ASAP2: variants seen among roughly 807,000 people sequenced by gnomAD.
The protein encoded by ASAP2 is arf-GAP with SH3 domain, ANK repeat and PH domain-containing protein 2.
ASAP2 carries 45 observed loss-of-function variants against 131.4 expected under a neutral mutation model. The observed-to-expected ratio is 0.34, with a 90% CI of 0.27 to 0.44. The LOEUF is 0.44. Ranked by LOEUF, ASAP2 falls within the 20% of genes least tolerant of loss-of-function variation. The pLI, the probability that ASAP2 is intolerant of heterozygous loss-of-function variation, is 1.00. For synonymous variants in ASAP2, 510 were observed against 503.0 expected, an observed-to-expected ratio of 1.01 and a Z score of -0.19; for missense variants, 1,011 against 1,297.0, an observed-to-expected ratio of 0.78 and a Z score of 3.39.
chr2:9,306,759 TTCAG>T (rs1053678715), intron 3 of ASAP2, among the ~76,000 whole-genome samples: 2 of 152,096 alleles, frequency 1.3e-5, no homozygotes, highest in African/African-American at 4.8e-5. Context: ...TTTGGGAACT[TTCAG>T]CCGTTTGGTA....
intron 16 of ASAP2, among the ~76,000 whole-genome samples, chr2:9,369,566 G>T (rs940493591): frequency 6.6e-6 from 1 of 152,272 alleles, no homozygotes; most frequent in East Asian, 1.9e-4. Flanking sequence ...TGAAACAGAC[G>T]GAAGGAAGGA....
At position 9,327,911 on chromosome 2, in the gene ASAP2, A is replaced by G. The variant is rs1356283092; in HGVS notation, c.686A>G (p.Asn229Ser). The change falls in exon 7 of 28, where the codon AAT becomes AGT. Residue 229 changes from asparagine to serine, a missense_variant and splice_region_variant. Asn to Ser is a conservative substitution (Grantham distance 46). Around this residue, in one of 2 missense-constraint regions of ASAP2, gnomAD observed 359 missense variants for 598.1 expected, o/e 0.60. Coordinates refer to ENST00000281419, the MANE Select transcript of ASAP2 (RefSeq NM_003887.3). ...NLIKYFHAQC[N>S]FFQDGLKAVE... ...ATCAAATACTTTCATGCCCAATGCA[A>G]GTAAGTTCTTCTCTGTTATGTTATC... 1 of 1,569,944 alleles carries G rather than the reference A, an allele frequency of 6.4e-7. No homozygotes were observed. Among genetic ancestry groups the G allele is most frequent in the East Asian group, 2.4e-5 (1 of 42,520 alleles).
intron 1 of ASAP2, among the ~76,000 whole-genome samples, chr2:9,218,059 T>C (rs139188126): frequency 6.6e-5 from 10 of 152,304 alleles, no homozygotes; most frequent in African/African-American, 2.4e-4. Flanking sequence ...TATAGTGACA[T>C]GCCTCCAGGT....
intron 12 of ASAP2, among the ~76,000 whole-genome samples, chr2:9,354,070 G>A (rs1672526619): frequency 6.6e-6 from 1 of 152,186 alleles, no homozygotes; most frequent in Non-Finnish European, 1.5e-5. Context: ...CTAATCCATT[G>A]CCTGCAGACC....
chr2:9,229,019 G>C (rs1662966839), intron 1 of ASAP2, among the ~76,000 whole-genome samples: 1 of 152,126 alleles, frequency 6.6e-6, no homozygotes, highest in Non-Finnish European at 1.5e-5. Flanking sequence ...AGCCACACCT[G>C]CCTTGTTACC....
At chr2:9,388,585 G>C (rs927276457) in intron 22 of ASAP2, 39 bp downstream of exon 22, 2 of 1,581,332 alleles carry the variant, frequency 1.3e-6, no homozygotes, top group South Asian at 2.3e-5. Context: ...TATATAGAGG[G>C]TCTTGTTTTG....
rs368099657 is a variant in ASAP2, at chr2:9,389,344, G to A, written c.2383+798G>A. 6.6e-6 allele frequency among the ~76,000 whole-genome samples: 1 copy of A among 152,222 alleles called. No individual in the cohort carries two copies. The highest frequency in any genetic ancestry group is 6.5e-5 in the Admixed American group (1 of 15,290). On this transcript the variant is annotated intron_variant, in intron 22 of 27. Transcript: ENST00000281419. This position sits in a 1 kb window ranked among gnomAD's most constrained non-coding sequence, Gnocchi z 4.7. ...GATGCGGGGCGGGGGGCCCAGGAAG[G>A]ACAAGAGTCTGCACAGAGCATGTAT...
At chr2:9,243,777 A>C (rs1664149305) in intron 1 of ASAP2, among the ~76,000 whole-genome samples, 1 of 152,182 alleles carries the variant, frequency 6.6e-6, no homozygotes, top group Non-Finnish European at 1.5e-5. Flanking sequence ...CTTATTTACT[A>C]TGCTAGTTGC....
In ASAP2 at chr2:9,340,025, TTTTG is replaced by T. The variant is rs1276875901; in HGVS notation, c.850-4494_850-4491del. On this transcript the variant is annotated intron_variant, in intron 9 of 27. Coordinates refer to ENST00000281419, the MANE Select transcript of ASAP2 (RefSeq NM_003887.3). ...GCAATGTTTGCCCATGTCTGCAGCT[TTTTG>T]TTTGTTTGTTTGAGACAGAATCTCC... Among the ~76,000 whole-genome samples, 16 of 152,272 alleles carry T rather than the reference TTTTG, an allele frequency of 1.1e-4. No homozygotes were observed. The South Asian group carries it at 2.3e-3, about 22-fold the overall frequency.
chr2:9,401,180 C>A, intron 26 of ASAP2, 94 bp from the exon 27 acceptor site: 1 of 1,511,748 alleles, frequency 6.6e-7, no homozygotes. Flanking sequence ...AGGTACGGGA[C>A]TCCTGAGACC....
intron 1 of ASAP2, among the ~76,000 whole-genome samples, chr2:9,216,663 G>T (rs1225190236): frequency 1.3e-5 from 2 of 151,962 alleles, no homozygotes; most frequent in Admixed American, 1.3e-4. Flanking sequence ...GTTTTGCCAT[G>T]TTGGGCAGGC....
chr2:9,218,430 C>T (rs1662204195), intron 1 of ASAP2, among the ~76,000 whole-genome samples: 1 of 152,226 alleles, frequency 6.6e-6, no homozygotes, highest in Admixed American at 6.5e-5. Flanking sequence ...GCCACCCAGA[C>T]CCATAGAGTA....
In ASAP2 at chr2:9,297,453, GCT is replaced by G. The variant is rs769371542; in HGVS notation, c.345+11_345+12del. The G allele has an allele frequency of 1.6e-5, 26 of 1,613,914 alleles. No individual in the cohort carries two copies. The East Asian group carries it at 2.5e-4, about 15-fold the overall frequency. Reference sequence around the variant, plus strand: ...GCACTTTTCAAAAACCTGGTAAGCAGCTCTGTGTATGAAATGCTGCGGTTACT... The same window carrying G: ...GCACTTTTCAAAAACCTGGTAAGCAGCTGTGTATGAAATGCTGCGGTTACT... On this transcript the variant is annotated intron_variant, in intron 3 of 27. Transcript: ENST00000281419.
At chr2:9,270,649 C>G (rs1216733952) in intron 1 of ASAP2, among the ~76,000 whole-genome samples, 2 of 151,898 alleles carry the variant, frequency 1.3e-5, no homozygotes, top group African/African-American at 4.8e-5. Flanking sequence ...CTGTTTCTAT[C>G]AAATACTAGA....
chr2:9,400,135 G>A, intron 25 of ASAP2, 63 bp downstream of exon 25: 2 of 1,495,516 alleles, frequency 1.3e-6, no homozygotes, highest in Non-Finnish European at 9.1e-7. Context: ...TGTGGGGGAT[G>A]TTTCCTGCCA....
At chr2:9,286,176 C>T (rs948810408) in intron 2 of ASAP2, among the ~76,000 whole-genome samples, 3 of 152,058 alleles carry the variant, frequency 2.0e-5, no homozygotes, top group East Asian at 1.9e-4. Context: ...GCAGATGGAT[C>T]GCTTGAGCTC....
chr2:9,257,230 T>C (rs888677046), intron 1 of ASAP2, among the ~76,000 whole-genome samples: 1 of 152,202 alleles, frequency 6.6e-6, no homozygotes, highest in Non-Finnish European at 1.5e-5. Context: ...AGTTTGTCCT[T>C]GTTCCTTAGG....
At chr2:9,231,762 ACT>A (rs1663182019) in intron 1 of ASAP2, among the ~76,000 whole-genome samples, 1 of 149,484 alleles carries the variant, frequency 6.7e-6, no homozygotes, top group African/African-American at 2.5e-5. Context: ...TCCTTTGGAG[ACT>A]CTCCTCTCTG....
At position 9,271,014 on chromosome 2, in the gene ASAP2, C is replaced by T. The variant is rs544082639; in HGVS notation, c.127-8303C>T. The stretch of plus-strand genomic sequence containing the variant: ...TTCACCGTGTTAGCCAGGATAGTCT[C>T]GATCTCGTGACCTCGTGATCCACCT... On this transcript the variant is annotated intron_variant, in intron 1 of 27. Transcript: ENST00000281419. 5.3e-5 allele frequency among the ~76,000 whole-genome samples: 8 copies of T among 151,542 alleles called. No individual in the cohort carries two copies. In the East Asian group the frequency reaches 1.4e-3, roughly 26 times the overall value.
Sources: gnomAD v4.1 joint callset for allele counts (sites outside exome capture counted in the v4.1 genomes callset) on GRCh38, gnomAD v4.1.1 for gene constraint, gnomAD v4.1.1 regional missense constraint, Gnocchi (gnomAD v3.1) non-coding constraint, MANE v1.5 for transcripts, NCBI Gene and HGNC (gene_info 2026-07-23, HGNC 2026-07-21) for gene names.